Variants in RAB11FIP4 observed in about 807,000 individuals in gnomAD.
The protein encoded by RAB11FIP4 is RAB11 family interacting protein 4.
In RAB11FIP4, 23 loss-of-function variants were observed where a neutral mutation model predicts 74.3. The observed-to-expected ratio is 0.31, with a 90% CI of 0.22 to 0.44. RAB11FIP4 has a LOEUF of 0.44. Among genes scored for constraint, RAB11FIP4 ranks in the 20% least tolerant of loss-of-function variants. The pLI, the probability that RAB11FIP4 is intolerant of heterozygous loss-of-function variation, is 1.00. For synonymous variants in RAB11FIP4, 360 were observed against 359.9 expected (o/e 1.00, Z 0.00); for missense variants, 630 against 863.9 (o/e 0.73, Z 3.39).
Position 31,407,825 on chromosome 17 carries a change from T to C in RAB11FIP4, c.159+15814T>C, listed in dbSNP as rs185872750. Among the ~76,000 whole-genome samples the C allele has an allele frequency of 4.5e-3, 690 of 152,310 alleles. 2 individuals carry two copies. The highest frequency in any genetic ancestry group is 6.5e-3 in the Admixed American group (100 of 15,304). On this transcript the variant is annotated intron_variant, in intron 1 of 14. Transcript: ENST00000621161. ...CATCTATTCAACATAATGGTACTTT[T>C]CCCCTTATAATTAATAGGTAATCTG...
rs150611396 is a variant in RAB11FIP4, at chr17:31,522,010, A to G, written c.854A>G (p.Asn285Ser). 6.2e-7 allele frequency: 1 copy of G among 1,614,140 alleles called. No homozygotes were observed. Among genetic ancestry groups the G allele is most frequent in the Non-Finnish European group, 8.5e-7 (1 of 1,180,040 alleles). ...TGCTGCAAGAAAATCAACCTGCTCA[A>G]TGACTTGGAAGCCCGACTGAAAAAC... ...SQCCKKINLLNDLEARLKNLK... is the reference protein window; with the variant it reads ...SQCCKKINLLSDLEARLKNLK... Residue 285 changes from asparagine to serine, a missense_variant, in exon 6 of 15, where the codon AAT becomes AGT. Asn to Ser is a conservative substitution (Grantham distance 46). Transcript: ENST00000621161.
At chr17:31,396,183 C>CAAAAAAAA (rs55991343) in intron 1 of RAB11FIP4, among the ~76,000 whole-genome samples, 2 of 122,598 alleles carry the variant, frequency 1.6e-5, no homozygotes, top group African/African-American at 6.5e-5. Flanking sequence ...GACCCTGCCA[C>CAAAAAAAA]AAAAAAAAAA....
chr17:31,398,253 TG>T (rs1204191685), intron 1 of RAB11FIP4, among the ~76,000 whole-genome samples: 4 of 152,222 alleles, frequency 2.6e-5, no homozygotes, highest in Admixed American at 2.6e-4. Context: ...TTGGCCAGGC[TG>T]GTCTTTTAAC....
intron 3 of RAB11FIP4, among the ~76,000 whole-genome samples, chr17:31,511,804 C>G (rs1443009883): frequency 6.6e-6 from 1 of 152,228 alleles, no homozygotes; most frequent in Non-Finnish European, 1.5e-5. Flanking sequence ...GATACTTGGC[C>G]TTTTCAGCAG....
chr17:31,524,630 T>C (rs1170771808), intron 9 of RAB11FIP4: 6 of 188,536 alleles, frequency 3.2e-5, no homozygotes, highest in South Asian at 9.3e-5. Context: ...AGGCTGTCAC[T>C]GGGGTGCTCA....
chr17:31,432,978 CTACAAAAAA>C (rs892909573), intron 2 of RAB11FIP4, among the ~76,000 whole-genome samples: 4 of 152,132 alleles, frequency 2.6e-5, no homozygotes, highest in Admixed American at 6.5e-5. Flanking sequence ...AACCTCATCT[CTACAAAAAA>C]TACAAAAAAT....
At chr17:31,510,721 G>C (rs1405033378) in intron 3 of RAB11FIP4, among the ~76,000 whole-genome samples, 1 of 152,176 alleles carries the variant, frequency 6.6e-6, no homozygotes, top group East Asian at 1.9e-4. Context: ...CTGCAGGTCT[G>C]GCTTCCTGCA....
chr17:31,468,409 C>A (rs893635878), intron 3 of RAB11FIP4, among the ~76,000 whole-genome samples: 1 of 152,142 alleles, frequency 6.6e-6, no homozygotes, highest in Non-Finnish European at 1.5e-5. Context: ...AATGTCCTTG[C>A]GCAGGTTATT....
intron 1 of RAB11FIP4, among the ~76,000 whole-genome samples, chr17:31,402,851 T>G (rs1256377588): frequency 6.6e-6 from 1 of 151,998 alleles, no homozygotes; most frequent in East Asian, 1.9e-4. Context: ...GGTCTCGATC[T>G]CCTGACCTTG....
intron 3 of RAB11FIP4, chr17:31,465,810 G>C (rs1188610888): frequency 6.6e-6 from 1 of 151,796 alleles, no homozygotes; most frequent in African/African-American, 2.4e-5. Flanking sequence ...TCTAGCCTGG[G>C]TAACATCATA....
chr17:31,528,086 G>T (rs927741974), intron 11 of RAB11FIP4, among the ~76,000 whole-genome samples, 163 bp downstream of exon 11: 1 of 152,184 alleles, frequency 6.6e-6, no homozygotes, highest in Non-Finnish European at 1.5e-5. Context: ...TTTCTACAGC[G>T]AATGTATTTA....
intron 13 of RAB11FIP4, 50 bp downstream of exon 13, chr17:31,528,828 C>G: frequency 2.6e-6 from 4 of 1,564,310 alleles, no homozygotes; most frequent in Admixed American, 1.7e-5. Flanking sequence ...CCGGGCCCAC[C>G]ACGTGGGTTT....
intron 3 of RAB11FIP4, among the ~76,000 whole-genome samples, chr17:31,457,275 GC>G (rs1184631114): frequency 4.6e-5 from 7 of 152,120 alleles, no homozygotes; most frequent in Admixed American, 4.6e-4. Flanking sequence ...CCTGCGCTGG[GC>G]CTGACCAAGT....
chr17:31,494,719 C>T (rs1382065928), intron 3 of RAB11FIP4, among the ~76,000 whole-genome samples: 1 of 152,034 alleles, frequency 6.6e-6, no homozygotes, highest in Non-Finnish European at 1.5e-5. Context: ...TCAGGTGATC[C>T]TCCCACCGCG....
At chr17:31,491,217 A>G (rs1279397081) in intron 3 of RAB11FIP4, among the ~76,000 whole-genome samples, 1 of 152,246 alleles carries the variant, frequency 6.6e-6, no homozygotes, top group Non-Finnish European at 1.5e-5. Context: ...GTTTCAGGAC[A>G]CGGAGGCTTC....
At chr17:31,450,635 G>A (rs987627500) in intron 3 of RAB11FIP4, among the ~76,000 whole-genome samples, 4 of 151,890 alleles carry the variant, frequency 2.6e-5, no homozygotes, top group African/African-American at 4.8e-5. Flanking sequence ...TTTAAATGGC[G>A]CTGGGTCTCA....
At chr17:31,487,656 G>A (rs1159589435) in intron 3 of RAB11FIP4, among the ~76,000 whole-genome samples, 1 of 152,118 alleles carries the variant, frequency 6.6e-6, no homozygotes, top group Non-Finnish European at 1.5e-5. Flanking sequence ...GGGGTGCGCA[G>A]TGTGAGCCGG....
rs372610559 is a variant in RAB11FIP4 at position 31,525,245 on chromosome 17, C to T, written c.1274+15C>T. 51 of 1,537,724 alleles carry T rather than the reference C, an allele frequency of 3.3e-5. No individual in the cohort carries two copies. The highest frequency in any genetic ancestry group is 1.0e-4 in the Admixed American group (5 of 49,780). ...CTCAATGCCAGGTGGGCCCCTCCAC[C>T]GAGCCCCCTCCCTCAGAGGGACCCC... On this transcript the variant is annotated intron_variant, in intron 10 of 14. Transcript: ENST00000621161.
At chr17:31,445,596 T>A (rs1225183390) in intron 3 of RAB11FIP4, among the ~76,000 whole-genome samples, 5 of 98,278 alleles carry the variant, frequency 5.1e-5, no homozygotes, top group African/African-American at 2.3e-4. Flanking sequence ...TTTTTTTTTT[T>A]TTTTTTTGAC....
Sources: allele counts gnomAD v4.1 joint callset (sites outside exome capture counted in the v4.1 genomes callset), GRCh38; gene constraint gnomAD v4.1.1; transcripts MANE v1.5; gene names NCBI Gene and HGNC (gene_info 2026-07-23, HGNC 2026-07-21).